Variants in LRBA observed in about 807,000 individuals in gnomAD.
LRBA encodes the protein LPS responsive beige-like anchor protein.
Under a neutral mutation model 330.0 loss-of-function variants are expected in LRBA, and 176 were observed. The ratio of observed to expected loss-of-function variants is 0.53; its 90% CI spans 0.47 to 0.60. LRBA has a LOEUF of 0.60. Among genes scored for constraint, LRBA ranks in the 20% least tolerant of loss-of-function variants. The pLI, the probability that LRBA is intolerant of heterozygous loss-of-function variation, is 0.00. For synonymous variants in LRBA, 1,230 were observed against 1,193.0 expected (o/e 1.03, Z -0.64); for missense variants, 3,259 against 3,444.8 (o/e 0.95, Z 1.35).
intron 11 of LRBA, among the ~76,000 whole-genome samples, chr4:150,907,762 A>G (rs74681276): frequency 0.036 from 5,537 of 152,264 alleles, 138 homozygotes; most frequent in Non-Finnish European, 0.05. Flanking sequence ...CCTACATTTT[A>G]TGACTTACCC....
intron 47 of LRBA, among the ~76,000 whole-genome samples, chr4:150,376,319 A>G (rs983056974): frequency 2.6e-5 from 4 of 152,184 alleles, no homozygotes; most frequent in Non-Finnish European, 5.9e-5. Context: ...AATCCCTATA[A>G]CTAAAAACAC....
chr4:150,554,830 G>A (rs1275020209), intron 40 of LRBA, among the ~76,000 whole-genome samples: 1 of 151,988 alleles, frequency 6.6e-6, no homozygotes, highest in Non-Finnish European at 1.5e-5. Flanking sequence ...TCTTAATGAT[G>A]TTCTATGCCA....
chr4:150,492,609 C>T (rs1759103404), intron 40 of LRBA, among the ~76,000 whole-genome samples: 1 of 152,068 alleles, frequency 6.6e-6, no homozygotes, highest in South Asian at 2.1e-4. Flanking sequence ...CCAGAGGACC[C>T]TTCACCTCAA....
chr4:150,339,936 C>T (rs1050996928), intron 48 of LRBA, among the ~76,000 whole-genome samples: 9 of 151,310 alleles, frequency 5.9e-5, no homozygotes, highest in Admixed American at 1.3e-4. Context: ...ATCCCCACAT[C>T]GTGAGAAGGA....
At chr4:150,900,359 A>G (rs980554459) in intron 13 of LRBA, 142 bp from the exon 14 acceptor site, 14 of 509,682 alleles carry the variant, frequency 2.7e-5, no homozygotes, top group Non-Finnish European at 3.8e-5. Context: ...ATATTAGACA[A>G]CACATACTCA....
chr4:150,726,037 A>G (rs1729621421), intron 36 of LRBA, among the ~76,000 whole-genome samples: 1 of 152,212 alleles, frequency 6.6e-6, no homozygotes, highest in Admixed American at 6.5e-5. Context: ...TCATACCACC[A>G]GAGAAAACCA....
chr4:150,599,246 C>G, intron 37 of LRBA, 115 bp from the exon 38 acceptor site: 1 of 1,082,550 alleles, frequency 9.2e-7, no homozygotes, highest in Non-Finnish European at 1.3e-6. Context: ...TCTCCTTCCA[C>G]TTAATTCTCC....
chr4:150,772,433 T>G (rs1002561046), intron 34 of LRBA, among the ~76,000 whole-genome samples: 2 of 152,178 alleles, frequency 1.3e-5, no homozygotes, highest in African/African-American at 2.4e-5. Flanking sequence ...AAGCATTGCT[T>G]GGGCCTGATC....
intron 35 of LRBA, among the ~76,000 whole-genome samples, chr4:150,759,946 T>A (rs907716611): frequency 2.0e-5 from 3 of 152,154 alleles, no homozygotes; most frequent in African/African-American, 7.2e-5. Flanking sequence ...AACAATAACA[T>A]ACATAAATAA....
chr4:150,986,438 T>C (rs1238360454), intron 2 of LRBA, among the ~76,000 whole-genome samples: 1 of 152,168 alleles, frequency 6.6e-6, no homozygotes, highest in Non-Finnish European at 1.5e-5. Context: ...TACATAGACC[T>C]GAGGTACTAC....
intron 53 of LRBA, among the ~76,000 whole-genome samples, chr4:150,292,308 A>T (rs1418521473): frequency 6.6e-6 from 1 of 152,200 alleles, no homozygotes; most frequent in African/African-American, 2.4e-5. Context: ...TTTTCTGGCA[A>T]ACTTGTAGTT....
chr4:150,668,005 A>G (rs1781717513), intron 37 of LRBA, among the ~76,000 whole-genome samples: 1 of 152,260 alleles, frequency 6.6e-6, no homozygotes, highest in Non-Finnish European at 1.5e-5. Flanking sequence ...TTACACAGCA[A>G]TAAGAAACTA....
intron 44 of LRBA, among the ~76,000 whole-genome samples, chr4:150,459,053 AT>A (rs1475259236): frequency 6.6e-6 from 1 of 151,826 alleles, no homozygotes; most frequent in Non-Finnish European, 1.5e-5. Context: ...TAAATGTTTT[AT>A]TTTTTTAGGT....
At chr4:150,592,144 GTTTTTTTTTTTTTTTT>G (rs10685627) in intron 38 of LRBA, among the ~76,000 whole-genome samples, 34 of 65,166 alleles carry the variant, frequency 5.2e-4, no homozygotes, top group African/African-American at 2.2e-3. Context: ...GATGGCTAGG[GTTTTTTTTTTTTTTTT>G]TTTTTTTTTT....
chr4:150,482,615 T>G (rs1007402167), intron 42 of LRBA, among the ~76,000 whole-genome samples: 2 of 152,076 alleles, frequency 1.3e-5, no homozygotes, highest in Non-Finnish European at 2.9e-5. Context: ...AGTGCCAAAT[T>G]GTTTACAAAG....
chr4:150,895,101 G>T (rs1729917354), intron 16 of LRBA, among the ~76,000 whole-genome samples: 1 of 151,558 alleles, frequency 6.6e-6, no homozygotes, highest in Non-Finnish European at 1.5e-5. Context: ...TATAATATAG[G>T]AGTATAAATT....
At chr4:150,311,632 C>A (rs2126884648) in intron 51 of LRBA, among the ~76,000 whole-genome samples, 1 of 152,252 alleles carries the variant, frequency 6.6e-6, no homozygotes, top group Admixed American at 6.5e-5. Context: ...TGCAGAAATT[C>A]TGCTAATGTC....
intron 47 of LRBA, among the ~76,000 whole-genome samples, chr4:150,390,216 A>C (rs1047797776): frequency 1.3e-5 from 2 of 152,170 alleles, no homozygotes; most frequent in African/African-American, 4.8e-5. Context: ...CTTTGGCCTA[A>C]GCTGTCTATC....
chr4:150,367,998 A>G (rs1739705044), intron 47 of LRBA, among the ~76,000 whole-genome samples: 1 of 152,190 alleles, frequency 6.6e-6, no homozygotes, highest in African/African-American at 2.4e-5. Flanking sequence ...AAGAAATAGT[A>G]TATTACTGTA....
Sources: allele counts gnomAD v4.1 joint callset (sites outside exome capture counted in the v4.1 genomes callset), GRCh38; gene constraint gnomAD v4.1.1; transcripts MANE v1.5; gene names NCBI Gene and HGNC (gene_info 2026-07-23, HGNC 2026-07-21).